Variants in SUGCT observed in about 807,000 individuals in gnomAD.
SUGCT encodes succinyl-CoA:glutarate CoA-transferase.
Under a neutral mutation model 55.0 loss-of-function variants are expected in SUGCT, and 41 were observed. The ratio of observed to expected loss-of-function variants is 0.74; its 90% CI spans 0.58 to 0.97. The LOEUF (loss-of-function observed/expected upper bound fraction) is 0.97. Among genes scored for constraint, SUGCT ranks in the 50% least tolerant of loss-of-function variants. The probability of loss-of-function intolerance (pLI) is 0.00; values close to 1 mark genes in which losing one functional copy is unlikely to be tolerated. For missense variants in SUGCT, 568 were observed against 547.8 expected (o/e 1.04, Z -0.37); for synonymous variants, 187 against 200.4 (o/e 0.93, Z 0.56).
At chr7:40,363,238 T>G (rs1267482475) in intron 9 of SUGCT, among the ~76,000 whole-genome samples, 1 of 151,976 alleles carries the variant, frequency 6.6e-6, no homozygotes, top group Non-Finnish European at 1.5e-5. Context: ...GGTCTATCAA[T>G]TTTGTTGATC....
At chr7:40,391,704 A>G (rs1483854111) in intron 9 of SUGCT, among the ~76,000 whole-genome samples, 1 of 152,208 alleles carries the variant, frequency 6.6e-6, no homozygotes, top group Non-Finnish European at 1.5e-5. Flanking sequence ...AACTAGTTCA[A>G]CCACTATGGA....
At position 40,579,882 on chromosome 7, in the gene SUGCT, G is replaced by A. The variant is rs532309367; in HGVS notation, c.1089+83496G>A. ...CAGAGTAGGATGGTTTAGGGATTAG[G>A]TAGAGTCAGCATTTCTTCCTCTTGC... On this transcript the variant is annotated intron_variant, in intron 12 of 13. Transcript: ENST00000335693. 3.9e-5 allele frequency among the ~76,000 whole-genome samples: 6 copies of A among 152,282 alleles called. No individual in the cohort carries two copies. The East Asian group carries it at 7.7e-4, about 20-fold the overall frequency.
intron 12 of SUGCT, among the ~76,000 whole-genome samples, chr7:40,682,241 C>T (rs1271565681): frequency 6.6e-6 from 1 of 152,184 alleles, no homozygotes; most frequent in African/African-American, 2.4e-5. Flanking sequence ...TGTCCCTTCT[C>T]CCATTCCCCA....
chr7:40,905,126 G>A, the SUGCT span, among the ~76,000 whole-genome samples: 1 of 152,142 alleles, frequency 6.6e-6, no homozygotes, highest in Non-Finnish European at 1.5e-5. Flanking sequence ...AGTTGTTTGA[G>A]AACTTTGATA....
intron 6 of SUGCT, among the ~76,000 whole-genome samples, chr7:40,210,744 C>T (rs1274741869): frequency 6.6e-6 from 1 of 152,088 alleles, no homozygotes; most frequent in African/African-American, 2.4e-5. Flanking sequence ...ACAGGCTAAA[C>T]TAATTCCGTT....
the SUGCT span, among the ~76,000 whole-genome samples, chr7:40,998,603 C>T: frequency 6.6e-6 from 1 of 152,198 alleles, no homozygotes; most frequent in Non-Finnish European, 1.5e-5. Context: ...AACTAGGGAG[C>T]TTTTAGCTGA....
At position 40,684,109 on chromosome 7, in the gene SUGCT, C is replaced by T. The variant is rs769411959; in HGVS notation, c.1090-65325C>T. On this transcript the variant is annotated intron_variant, in intron 12 of 13. Coordinates refer to ENST00000335693, the MANE Select transcript of SUGCT (RefSeq NM_001193313.2). ...TGCATTCCTTGGCCCATGGCCCCTT[C>T]CTTCATCTTCAAGGATCAGCAAGGG... The T allele has an allele frequency of 3.1e-6, 5 of 1,610,822 alleles. No homozygotes were observed. In the South Asian group the frequency reaches 3.3e-5, roughly 11 times the overall value.
intron 13 of SUGCT, among the ~76,000 whole-genome samples, chr7:40,834,090 C>T (rs1792834331): frequency 6.6e-6 from 1 of 152,116 alleles, no homozygotes; most frequent in South Asian, 2.1e-4. Flanking sequence ...AATCTCAGTT[C>T]TGCTTTTTTA....
the SUGCT span, among the ~76,000 whole-genome samples, chr7:40,971,019 G>T: frequency 6.6e-6 from 1 of 152,162 alleles, no homozygotes; most frequent in Non-Finnish European, 1.5e-5. Flanking sequence ...TGCTATAAAG[G>T]AATACCTGAG....
chr7:40,886,679 T>C, the SUGCT span, among the ~76,000 whole-genome samples: 8 of 152,208 alleles, frequency 5.3e-5, no homozygotes, highest in Admixed American at 5.2e-4. Flanking sequence ...ATAGTGGTCA[T>C]TCTCCTAGGC....
At chr7:41,012,095 T>C in the SUGCT span, among the ~76,000 whole-genome samples, 1 of 152,170 alleles carries the variant, frequency 6.6e-6, no homozygotes, top group Non-Finnish European at 1.5e-5. Flanking sequence ...GCCATTCAGC[T>C]GGAAAAATAA....
At chr7:40,233,725 C>A (rs924066185) in intron 6 of SUGCT, among the ~76,000 whole-genome samples, 1 of 152,104 alleles carries the variant, frequency 6.6e-6, no homozygotes, top group Non-Finnish European at 1.5e-5. Flanking sequence ...TTGATTAATG[C>A]ATCTTTAGTA....
chr7:40,146,650 G>A (rs1020204929), intron 1 of SUGCT, among the ~76,000 whole-genome samples: 27 of 152,318 alleles, frequency 1.8e-4, no homozygotes, highest in African/African-American at 5.5e-4. Flanking sequence ...GTTTAAGAAC[G>A]CCTTAAGCGG....
At position 40,740,566 on chromosome 7, in the gene SUGCT, T is replaced by A. The variant is rs144362400; in HGVS notation, c.1090-8868T>A. 1.5e-4 allele frequency among the ~76,000 whole-genome samples: 22 copies of A among 150,642 alleles called. No homozygotes were observed. In the East Asian group the frequency reaches 2.9e-3, roughly 20 times the overall value. On this transcript the variant is annotated intron_variant, in intron 12 of 13. Coordinates refer to ENST00000335693, the MANE Select transcript of SUGCT (RefSeq NM_001193313.2). ...TATTTTTAATTTTTATTATTTTATT[T>A]TTATTATTATTTTTTTCCTTGCCTC...
the SUGCT span, among the ~76,000 whole-genome samples, chr7:41,037,428 TA>T: frequency 2.1e-3 from 306 of 143,030 alleles, 1 homozygote; most frequent in South Asian, 0.02. Context: ...AATGATACTT[TA>T]AAAAAAAAAA....
chr7:40,928,472 G>A, the SUGCT span, among the ~76,000 whole-genome samples: 1 of 151,682 alleles, frequency 6.6e-6, no homozygotes, highest in African/African-American at 2.4e-5. Flanking sequence ...TTCGATAAAT[G>A]TATTTTTCCA....
the SUGCT span, among the ~76,000 whole-genome samples, chr7:40,886,671 A>G: frequency 6.6e-6 from 1 of 152,218 alleles, no homozygotes; most frequent in South Asian, 2.1e-4. Context: ...ATGCCTCCAT[A>G]GTGGTCATTC....
intron 12 of SUGCT, among the ~76,000 whole-genome samples, chr7:40,621,751 A>C (rs1380313923): frequency 6.6e-6 from 1 of 152,218 alleles, no homozygotes. Flanking sequence ...CCATCTGGCT[A>C]TCTTATCTTT....
chr7:40,527,063 T>G (rs1431607122), intron 12 of SUGCT, among the ~76,000 whole-genome samples: 2 of 152,264 alleles, frequency 1.3e-5, no homozygotes, highest in Non-Finnish European at 2.9e-5. Context: ...ATACTTATTG[T>G]AAGCACAGCA....
Sources: gnomAD v4.1 joint callset for allele counts (sites outside exome capture counted in the v4.1 genomes callset) on GRCh38, gnomAD v4.1.1 for gene constraint, MANE v1.5 for transcripts, NCBI Gene and HGNC (gene_info 2026-07-23, HGNC 2026-07-21) for gene names.